RHOC: variants seen among roughly 807,000 people sequenced by gnomAD.
RHOC encodes rho-related GTP-binding protein RhoC.
A neutral mutation model predicts 19.5 loss-of-function variants in RHOC; 13 were observed. The observed-to-expected ratio is 0.67, with a 90% CI of 0.43 to 1.06. The LOEUF is 1.06. RHOC is among the 50% of genes least tolerant of loss of function. The pLI is 0.00. For missense variants in RHOC, 173 were observed against 256.9 expected (o/e 0.67, Z 2.23); for synonymous variants, 106 against 97.3 (o/e 1.09, Z -0.52).
At position 112,701,704 on chromosome 1, in the gene RHOC, G is replaced by T. The variant is rs202016325; in HGVS notation, c.418C>A (p.Arg140=). The change falls in exon 6 of 6, where the codon CGG becomes AGG. Residue 140 remains arginine, a synonymous_variant. Transcript: ENST00000339083. ...GCCATGTCCCGGCCTTCCTCAGACC[G>T]AACGGGCTCCTGAGAAGACATAAGA... The part of the protein sequence containing the change: ...ELAKMKQEPV[R]SEEGRDMANR... The T allele has an allele frequency of 1.2e-4, 194 of 1,613,836 alleles. 1 individual carries two copies. The highest frequency in any genetic ancestry group is 1.4e-5 in the Non-Finnish European group (16 of 1,179,966).
At chr1:112,704,922 C>T in intron 2 of RHOC, 178 bp downstream of exon 2, 1 of 612,974 alleles carries the variant, frequency 1.6e-6, no homozygotes, top group East Asian at 2.8e-5. Context: ...GCCCCTTCCT[C>T]CCTCAGTCCA....
At chr1:112,707,191 G>T (rs981057913), upstream of RHOC, 3 of 150,528 alleles carry the variant, frequency 2.0e-5, no homozygotes, top group Non-Finnish European at 3.0e-5. Flanking sequence ...CCGGCAGGGG[G>T]AGGGTCGGCC....
intron 1 of RHOC, chr1:112,705,761 C>G: frequency 2.3e-6 from 1 of 433,848 alleles, no homozygotes; most frequent in Middle Eastern, 4.4e-4. Flanking sequence ...GCTGGGGTAG[C>G]CCCAACCTGG....
At position 112,701,419 on chromosome 1, in the gene RHOC, G is replaced by C. The variant is rs1158399666; in HGVS notation, c.*121C>G. On this transcript the variant is annotated 3_prime_UTR_variant, in exon 6 of 6. Coordinates refer to ENST00000339083, the MANE Select transcript of RHOC (RefSeq NM_175744.5). ...GGGGCTAGAAAACAATGCAGTCCTG[G>C]GCAGGAGGGAACTGAAAATGGGAGC... 1 of 1,600,494 alleles carries C rather than the reference G, an allele frequency of 6.2e-7. No individual in the cohort carries two copies. Among genetic ancestry groups the C allele is most frequent in the Non-Finnish European group, 8.5e-7 (1 of 1,173,632 alleles).
intron 5 of RHOC, 136 bp from the exon 6 acceptor site, chr1:112,701,849 AC>A (rs1474111638): frequency 1.4e-5 from 12 of 854,004 alleles, no homozygotes; most frequent in Non-Finnish European, 2.0e-5. Context: ...GGCCCCAGCT[AC>A]CCTGGGCAGC....
chr1:112,705,969 G>T, intron 1 of RHOC: 1 of 306,044 alleles, frequency 3.3e-6, no homozygotes, highest in Non-Finnish European at 6.6e-6. Flanking sequence ...TTTCCCTCCA[G>T]GCTATGATTG....
chr1:112,702,887 T>A (rs1367178394), intron 4 of RHOC, 112 bp downstream of exon 4: 1 of 1,435,930 alleles, frequency 7.0e-7, no homozygotes, highest in South Asian at 1.2e-5. Context: ...AGGGCCTGAG[T>A]GCTCCCCTGC....
At chr1:112,706,489 CACACACACACACACA>C (rs1674884536) in intron 1 of RHOC, among the ~76,000 whole-genome samples, 3 of 29,384 alleles carry the variant, frequency 1.0e-4, no homozygotes, top group Non-Finnish European at 1.4e-4. Flanking sequence ...CACACACACA[CACACACACACACACA>C]CACACACACA....
chr1:112,706,517 C>CACACACACACACACAA lies in RHOC; in HGVS notation c.-77+560_-77+561insTTGTGTGTGTGTGTGT, dbSNP rs1674896270. Among the ~76,000 whole-genome samples the CACACACACACACACAA allele has an allele frequency of 2.0e-4, 14 of 71,392 alleles. 1 individual carries two copies. The highest frequency in any genetic ancestry group is 5.7e-4 in the East Asian group (1 of 1,748). 46.8% of individuals were successfully genotyped at this position (71,392 alleles called of 152,430 possible). A position where few individuals can be genotyped will look rare whatever the true frequency, so the allele number is the denominator to read the frequency against. ...ACACACACACACACACACACACACA[C>CACACACACACACACAA]ACACACACACACACACACACAGAGT... On this transcript the variant is annotated intron_variant, in intron 1 of 5. Coordinates refer to ENST00000339083, the MANE Select transcript of RHOC (RefSeq NM_175744.5).
chr1:112,703,698 G>A lies in RHOC; in HGVS notation c.102C>T (p.Tyr34=), dbSNP rs370374549. ...TATAGTTCTCAAAGACAGTAGGGAC[G>A]TAGACCTCCGGAAACTGATCCTTGC... The part of the protein sequence containing the change: ...VFSKDQFPEV[Y]VPTVFENYIA... The change falls in exon 3 of 6, where the codon TAC becomes TAT. Residue 34 remains tyrosine (Y), a synonymous_variant. Coordinates refer to ENST00000339083, the MANE Select transcript of RHOC (RefSeq NM_175744.5). 100 of 1,613,590 alleles carry A rather than the reference G, an allele frequency of 6.2e-5. No homozygotes were observed. Among genetic ancestry groups the A allele is most frequent in the East Asian group, 3.3e-4 (15 of 44,868 alleles).
intron 5 of RHOC, among the ~76,000 whole-genome samples, chr1:112,701,919 C>T (rs990630330): frequency 1.3e-4 from 20 of 152,076 alleles, no homozygotes; most frequent in Non-Finnish European, 2.2e-4. Flanking sequence ...CATGCAGCCC[C>T]ACCTCCTCCC....
At chr1:112,706,506 A>C (rs1253780660) in intron 1 of RHOC, among the ~76,000 whole-genome samples, 12 of 88,126 alleles carry the variant, frequency 1.4e-4, no homozygotes, top group Admixed American at 3.8e-4. Flanking sequence ...ACACACACAC[A>C]CACACACACA....
At position 112,701,559 on chromosome 1, in the gene RHOC, CTCCGACGCTTG is replaced by C; in HGVS notation, c.552_562del (p.Asn184LysfsTer137). 1 of 1,614,126 alleles carries C rather than the reference CTCCGACGCTTG, an allele frequency of 6.2e-7. No homozygotes were observed. The highest frequency in any genetic ancestry group is 1.1e-5 in the South Asian group (1 of 91,084). On this transcript the variant is annotated frameshift_variant, in exon 6 of 6. Transcript: ENST00000339083. LOFTEE classifies it high-confidence loss of function. ...GGGATCTCAGAGAATGGGACAGCCC[CTCCGACGCTTG>C]TTCTTGCGGACCTGGAGGCCAGCCC...
At chr1:112,706,511 CACACA>C (rs1674894009) in intron 1 of RHOC, among the ~76,000 whole-genome samples, 1 of 70,056 alleles carries the variant, frequency 1.4e-5, no homozygotes, top group African/African-American at 4.7e-5. Flanking sequence ...CACACACACA[CACACA>C]CACACACACA....
In RHOC at chr1:112,702,632, G is replaced by A; in HGVS notation, c.339C>T (p.Ile113=). The change falls in exon 5 of 6, where the codon ATC becomes ATT. Residue 113 remains isoleucine (I), a synonymous_variant. Transcript: ENST00000339083. ...TCAGGTCCTTCTTATTCCCCACCAG[G>A]ATGATGGGCACGTTGGGGCAGAAGT... ...VKHFCPNVPI[I]LVGNKKDLRQ... 10 of 1,614,026 alleles carry A rather than the reference G, an allele frequency of 6.2e-6. No individual in the cohort carries two copies. The highest frequency in any genetic ancestry group is 8.5e-6 in the Non-Finnish European group (10 of 1,179,926).
chr1:112,702,716 G>A (rs1674697836), intron 4 of RHOC, 23 bp from the exon 5 acceptor site: 3 of 1,613,562 alleles, frequency 1.9e-6, no homozygotes, highest in East Asian at 2.2e-5. Context: ...GCACCAACAG[G>A]TGTCGGTGCC....
rs372171960 is a variant in RHOC, at chr1:112,701,555, G to A, written c.567C>T (p.Gly189=). Residue 189 remains glycine, a synonymous_variant, in exon 6 of 6, where the codon GGC becomes GGT. Coordinates refer to ENST00000339083, the MANE Select transcript of RHOC (RefSeq NM_175744.5). ...CTTGGGGATCTCAGAGAATGGGACA[G>A]CCCCTCCGACGCTTGTTCTTGCGGA... ...LQVRKNKRRR[G]CPIL is the part of the protein sequence containing the mutation. 10 of 1,614,124 alleles carry A rather than the reference G, an allele frequency of 6.2e-6. No homozygotes were observed. The highest frequency in any genetic ancestry group is 4.2e-6 in the Non-Finnish European group (5 of 1,179,984).
At position 112,703,079 on chromosome 1, in the gene RHOC, T is replaced by C. The variant is rs760987953; in HGVS notation, c.197A>G (p.Tyr66Cys). 6.2e-7 allele frequency: 1 copy of C among 1,614,182 alleles called. No individual in the cohort carries two copies. The highest frequency in any genetic ancestry group is 8.5e-7 in the Non-Finnish European group (1 of 1,180,024). The change falls in exon 4 of 6, where the codon TAT becomes TGT. Residue 66 changes from tyrosine (Y) to cysteine (C), a missense_variant. Transcript: ENST00000339083. ...GTAGGAGAGAGGCCGCAGTCGATCATAGTCTTCCTGCCCTGCTGTGTCCCA... is the reference window on the plus strand; with the variant it reads ...GTAGGAGAGAGGCCGCAGTCGATCACAGTCTTCCTGCCCTGCTGTGTCCCA... ...ALWDTAGQED[Y>C]DRLRPLSYPD...
At chr1:112,706,480 A>ACCACACACACACCCCCACAC (rs1557780720) in intron 1 of RHOC, among the ~76,000 whole-genome samples, 1 of 7,396 alleles carries the variant, frequency 1.4e-4, no homozygotes, top group African/African-American at 4.1e-4. Context: ...ACACACACAC[A>ACCACACACACACCCCCACAC]CACACACACA....
Sources: gnomAD v4.1 joint callset for allele counts (sites outside exome capture counted in the v4.1 genomes callset) on GRCh38, gnomAD v4.1.1 for gene constraint, MANE v1.5 for transcripts, NCBI Gene and HGNC (gene_info 2026-07-23, HGNC 2026-07-21) for gene names.